Variants in EPHA6 observed in about 807,000 individuals in gnomAD.
EPHA6 encodes ephrin type-A receptor 6.
EPHA6 carries 50 observed loss-of-function variants against 112.0 expected under a neutral mutation model. That is an observed-to-expected ratio of 0.45 (90% CI 0.36 to 0.56). The LOEUF (loss-of-function observed/expected upper bound fraction) is 0.56. Ranked by LOEUF, EPHA6 falls within the 20% of genes least tolerant of loss-of-function variation. The pLI is 0.00. For synonymous variants in EPHA6, 529 were observed against 490.7 expected (o/e 1.08, Z -1.03); for missense variants, 1,280 against 1,417.4 (o/e 0.90, Z 1.56).
chr3:97,395,280 A>T (rs949655231), intron 5 of EPHA6, among the ~76,000 whole-genome samples: 4 of 151,886 alleles, frequency 2.6e-5, no homozygotes, highest in Non-Finnish European at 5.9e-5. Flanking sequence ...TTACAAGAAA[A>T]AAACATAAAA....
In EPHA6 at chr3:97,074,861, A is replaced by G. The variant is rs2108172990; in HGVS notation, c.1114+86868A>G. On this transcript the variant is annotated intron_variant, in intron 3 of 17. Transcript: ENST00000389672. ...GTTACTCATATCAAATGAAACTTCC[A>G]ATTACCATTTAGTAAATGGAAACAG... Among the ~76,000 whole-genome samples the G allele has an allele frequency of 1.3e-5, 2 of 152,136 alleles. 1 individual carries two copies. The highest frequency in any genetic ancestry group is 4.1e-4 in the South Asian group (2 of 4,820).
At chr3:96,909,366 CATAA>C (rs1224869532) in intron 2 of EPHA6, among the ~76,000 whole-genome samples, 1 of 151,706 alleles carries the variant, frequency 6.6e-6, no homozygotes, top group Non-Finnish European at 1.5e-5. Flanking sequence ...AAAATTCTGG[CATAA>C]ATAAAGAAAA....
At chr3:97,592,819 T>C in intron 12 of EPHA6, 82 bp downstream of exon 12, 1 of 1,376,204 alleles carries the variant, frequency 7.3e-7, no homozygotes, top group East Asian at 2.5e-5. Context: ...AAATACAAAA[T>C]GAATATTGCT....
At chr3:97,124,787 C>T (rs1351738016) in intron 3 of EPHA6, among the ~76,000 whole-genome samples, 1 of 152,120 alleles carries the variant, frequency 6.6e-6, no homozygotes, top group African/African-American at 2.4e-5. Context: ...GAAATGTGTG[C>T]TCTACCCTAA....
chr3:97,106,669 A>G (rs1223366126), intron 3 of EPHA6, among the ~76,000 whole-genome samples: 6 of 152,100 alleles, frequency 3.9e-5, no homozygotes, highest in African/African-American at 1.4e-4. Flanking sequence ...GTGATAAGGC[A>G]GAGGGTCTAA....
chr3:97,494,070 G>A (rs1351430671), intron 10 of EPHA6, among the ~76,000 whole-genome samples: 1 of 152,204 alleles, frequency 6.6e-6, no homozygotes, highest in African/African-American at 2.4e-5. Context: ...TGACCAGGAT[G>A]TACCTATTAT....
chr3:96,936,049 C>G (rs932553722), intron 2 of EPHA6, among the ~76,000 whole-genome samples: 2 of 151,932 alleles, frequency 1.3e-5, no homozygotes, highest in African/African-American at 4.8e-5. Flanking sequence ...GGGGAAAATT[C>G]AAGAAGGCAC....
intron 3 of EPHA6, among the ~76,000 whole-genome samples, chr3:97,110,913 G>T (rs2047703981): frequency 1.3e-5 from 2 of 152,040 alleles, no homozygotes; most frequent in Admixed American, 1.3e-4. Context: ...GACCCAAGTT[G>T]TCAAAATTTG....
chr3:97,096,552 A>T lies in EPHA6; in HGVS notation c.1114+108559A>T, dbSNP rs371017259. 5.3e-5 allele frequency among the ~76,000 whole-genome samples: 8 copies of T among 152,006 alleles called. No individual in the cohort carries two copies. The South Asian group carries it at 1.7e-3, about 32-fold the overall frequency. ...ATGACTTTTCTAAACCACTGAATGT[A>T]CTCAAAAGAAGAATATAACCTGTCA... On this transcript the variant is annotated intron_variant, in intron 3 of 17. Coordinates refer to ENST00000389672, the MANE Select transcript of EPHA6 (RefSeq NM_001080448.3).
chr3:96,900,355 A>G (rs1453616390), intron 2 of EPHA6, among the ~76,000 whole-genome samples: 1 of 152,208 alleles, frequency 6.6e-6, no homozygotes, highest in Non-Finnish European at 1.5e-5. Context: ...AAGAAACTAC[A>G]TATGTAATTT....
Position 97,363,188 on chromosome 3 carries a change from A to C in EPHA6, c.1607-41962A>C, listed in dbSNP as rs193159525. On this transcript the variant is annotated intron_variant, in intron 5 of 17. Coordinates refer to ENST00000389672, the MANE Select transcript of EPHA6 (RefSeq NM_001080448.3). ...GCCCCTGCAATATATATATATATAT[A>C]TATATATATATATATATATATATAT... Among the ~76,000 whole-genome samples the C allele has an allele frequency of 3.1e-4, 4 of 12,912 alleles. 1 individual carries two copies. Among genetic ancestry groups the C allele is most frequent in the African/African-American group, 1.0e-3 (3 of 3,014 alleles). 8.5% of individuals were successfully genotyped at this position (12,912 alleles called of 152,430 possible). A position where few individuals can be genotyped will look rare whatever the true frequency, so the allele number is the denominator to read the frequency against.
chr3:96,962,970 A>G (rs2041998730), intron 2 of EPHA6, among the ~76,000 whole-genome samples: 3 of 152,044 alleles, frequency 2.0e-5, no homozygotes, highest in South Asian at 2.1e-4. Flanking sequence ...CATGGGAAAC[A>G]TGGTGAAACC....
chr3:97,513,268 A>G (rs1307992189), intron 10 of EPHA6, among the ~76,000 whole-genome samples: 1 of 152,144 alleles, frequency 6.6e-6, no homozygotes, highest in African/African-American at 2.4e-5. Context: ...AAATAGCACT[A>G]CCATATGATC....
At chr3:96,891,464 ACT>A (rs111983472) in intron 2 of EPHA6, among the ~76,000 whole-genome samples, 3,777 of 152,218 alleles carry the variant, frequency 0.025, 157 homozygotes, top group African/African-American at 0.084. Context: ...CTGGTAAAAC[ACT>A]CTGGGAGACC....
intron 11 of EPHA6, among the ~76,000 whole-genome samples, chr3:97,564,762 C>A (rs922839256): frequency 2.0e-5 from 3 of 152,090 alleles, no homozygotes; most frequent in South Asian, 2.1e-4. Context: ...ATTAAACATG[C>A]AAAATCTCTG....
intron 5 of EPHA6, among the ~76,000 whole-genome samples, chr3:97,291,946 A>G (rs1008295706): frequency 3.3e-5 from 5 of 152,174 alleles, no homozygotes; most frequent in Non-Finnish European, 5.9e-5. Flanking sequence ...TTGAGCTACC[A>G]GCGTGGATCC....
chr3:97,326,642 A>G (rs2082437207), intron 5 of EPHA6, among the ~76,000 whole-genome samples: 1 of 152,072 alleles, frequency 6.6e-6, no homozygotes, highest in Non-Finnish European at 1.5e-5. Context: ...CTTTTTACAG[A>G]AGTTTCAGCG....
chr3:97,491,412 A>G (rs1481838178), intron 10 of EPHA6, among the ~76,000 whole-genome samples: 2 of 152,112 alleles, frequency 1.3e-5, no homozygotes, highest in African/African-American at 4.8e-5. Flanking sequence ...GTGCTCTTGT[A>G]AGATGGATAG....
At chr3:97,525,407 T>G (rs974729250) in intron 10 of EPHA6, among the ~76,000 whole-genome samples, 2 of 152,330 alleles carry the variant, frequency 1.3e-5, no homozygotes, top group Middle Eastern at 3.4e-3. Flanking sequence ...CTTATTTCTT[T>G]TAGTTGTCTA....
Sources: gnomAD v4.1 joint callset for allele counts (sites outside exome capture counted in the v4.1 genomes callset) on GRCh38, gnomAD v4.1.1 for gene constraint, MANE v1.5 for transcripts, NCBI Gene and HGNC (gene_info 2026-07-23, HGNC 2026-07-21) for gene names.